The following RABGAP1L variants were observed in gnomAD, a reference collection of about 807,000 sequenced individuals.
The protein encoded by RABGAP1L is rab GTPase-activating protein 1-like.
A neutral mutation model predicts 137.7 loss-of-function variants in RABGAP1L; 63 were observed. The observed-to-expected ratio is 0.46, with a 90% CI of 0.37 to 0.56. The LOEUF (loss-of-function observed/expected upper bound fraction) is 0.56, where lower values mean the gene tolerates loss of function less well. Among genes scored for constraint, RABGAP1L ranks in the 20% least tolerant of loss-of-function variants. The probability of loss-of-function intolerance (pLI) is 0.00; values close to 1 mark genes in which losing one functional copy is unlikely to be tolerated. For synonymous variants in RABGAP1L, 431 were observed against 433.7 expected, an observed-to-expected ratio of 0.99 and a Z score of 0.08; for missense variants, 1,095 against 1,244.0, an observed-to-expected ratio of 0.88 and a Z score of 1.80.
chr1:174,274,501 A>T (rs1016303410), intron 8 of RABGAP1L, among the ~76,000 whole-genome samples: 1 of 152,142 alleles, frequency 6.6e-6, no homozygotes, highest in Non-Finnish European at 1.5e-5. Context: ...TGTAGCCCCT[A>T]TACCATCTAG....
intron 11 of RABGAP1L, among the ~76,000 whole-genome samples, chr1:174,363,686 T>C (rs547540121): frequency 3.0e-4 from 45 of 152,278 alleles, no homozygotes; most frequent in African/African-American, 9.9e-4. Flanking sequence ...TGTGGGTCTG[T>C]CATATTTGGC....
chr1:174,169,373 C>T (rs77379897), intron 1 of RABGAP1L, among the ~76,000 whole-genome samples: 34,921 of 151,820 alleles, frequency 0.23, 4,484 homozygotes, highest in Non-Finnish European at 0.27. Flanking sequence ...ACCACAGGCA[C>T]GTGCCATCAT....
chr1:174,904,640 CTTTT>C (rs963337748), intron 19 of RABGAP1L, among the ~76,000 whole-genome samples: 146 of 152,010 alleles, frequency 9.6e-4, no homozygotes, highest in African/African-American at 3.4e-3. Context: ...TTCTTTCTTT[CTTTT>C]TTTCTTTTCT....
chr1:174,419,890 G>T (rs575943526), intron 13 of RABGAP1L, among the ~76,000 whole-genome samples: 1 of 152,018 alleles, frequency 6.6e-6, no homozygotes, highest in East Asian at 1.9e-4. Context: ...TTTCATTTTT[G>T]ATTCCGGCTG....
Position 174,622,703 on chromosome 1 carries a change from G to A in RABGAP1L, c.1711-14672G>A, listed in dbSNP as rs555951250. ...GGAACATCACACTCCGGGGTCTGTT[G>A]TGGAGTGAGGGAAGGCAGGAGGGAT... On this transcript the variant is annotated intron_variant, in intron 13 of 25. Transcript: ENST00000681986. Among the ~76,000 whole-genome samples the A allele has an allele frequency of 1.3e-5, 2 of 152,298 alleles. 1 individual carries two copies. Among genetic ancestry groups the A allele is most frequent in the South Asian group, 4.1e-4 (2 of 4,824 alleles).
Position 174,166,170 on chromosome 1 carries a change from G to T in RABGAP1L, c.-34+6513G>T, listed in dbSNP as rs1174579980. Among the ~76,000 whole-genome samples the T allele has an allele frequency of 2.0e-5, 3 of 152,090 alleles. 1 individual carries two copies. Among genetic ancestry groups the T allele is most frequent in the Non-Finnish European group, 4.4e-5 (3 of 68,020 alleles). On this transcript the variant is annotated intron_variant, in intron 1 of 25. Transcript: ENST00000681986. Reference sequence around the variant, plus strand: ...ATTAGTGTTAGAGAAGCAACCTTGAGTTTACCAATCCTAAAAGTGTTGGAA... The same window carrying T: ...ATTAGTGTTAGAGAAGCAACCTTGATTTTACCAATCCTAAAAGTGTTGGAA...
chr1:174,838,800 C>A (rs979349647), intron 19 of RABGAP1L, among the ~76,000 whole-genome samples: 4 of 151,140 alleles, frequency 2.6e-5, no homozygotes, highest in Non-Finnish European at 4.4e-5. Context: ...GCCTGTAGTC[C>A]CAGCTACTCG....
intron 13 of RABGAP1L, among the ~76,000 whole-genome samples, chr1:174,570,839 C>G (rs557110504): frequency 6.6e-6 from 1 of 152,144 alleles, no homozygotes; most frequent in South Asian, 2.1e-4. Context: ...ATTAGTACAA[C>G]CACCATGGAG....
Position 174,994,750 on chromosome 1 carries a change from T to C in RABGAP1L, c.*4749T>C, listed in dbSNP as rs1672267642. The stretch of plus-strand genomic sequence containing the variant: ...TCTCTATTTTTGGTATTTTGCATAA[T>C]GCATGGATCCTTAGTTCAAATGAGG... On this transcript the variant is annotated 3_prime_UTR_variant, in exon 26 of 26. Transcript: ENST00000681986. 6.6e-6 allele frequency: 1 copy of C among 152,258 alleles called. No homozygotes were observed. Among genetic ancestry groups the C allele is most frequent in the Non-Finnish European group, 1.5e-5 (1 of 68,046 alleles). 9.4% of individuals were successfully genotyped at this position (152,258 alleles called of 1,614,324 possible). A position where few individuals can be genotyped will look rare whatever the true frequency, so the allele number is the denominator to read the frequency against.
At chr1:174,545,846 A>C (rs1234197551) in intron 13 of RABGAP1L, 2 of 152,176 alleles carry the variant, frequency 1.3e-5, no homozygotes, top group African/African-American at 4.8e-5. Context: ...GTACATTTTG[A>C]ATGCTTAATG....
At chr1:174,836,919 G>A (rs998481935) in intron 19 of RABGAP1L, among the ~76,000 whole-genome samples, 6 of 152,166 alleles carry the variant, frequency 3.9e-5, no homozygotes, top group Admixed American at 2.0e-4. Flanking sequence ...ATAAAAATAT[G>A]TTCCAGGCGG....
At chr1:174,499,065 A>G (rs1661008211) in intron 13 of RABGAP1L, among the ~76,000 whole-genome samples, 1 of 152,092 alleles carries the variant, frequency 6.6e-6, no homozygotes, top group African/African-American at 2.4e-5. Flanking sequence ...CAAAAGGCCA[A>G]AATATCACAA....
chr1:174,701,858 A>G (rs1679682370), intron 16 of RABGAP1L, among the ~76,000 whole-genome samples: 1 of 152,202 alleles, frequency 6.6e-6, no homozygotes. Context: ...GCAAGAATCA[A>G]GAACAGTCAA....
intron 4 of RABGAP1L, among the ~76,000 whole-genome samples, chr1:174,239,157 G>T (rs1358724211): frequency 1.3e-5 from 2 of 152,060 alleles, no homozygotes; most frequent in African/African-American, 2.4e-5. Context: ...ACTGGCCTGC[G>T]CCCACTGTCT....
intron 13 of RABGAP1L, among the ~76,000 whole-genome samples, chr1:174,612,013 T>C (rs1671299457): frequency 6.6e-6 from 1 of 152,242 alleles, no homozygotes; most frequent in African/African-American, 2.4e-5. Flanking sequence ...AGGGACAATT[T>C]GATTTCCTCT....
chr1:174,520,942 C>T (rs533664262), intron 13 of RABGAP1L, among the ~76,000 whole-genome samples: 4 of 152,140 alleles, frequency 2.6e-5, no homozygotes, highest in African/African-American at 7.2e-5. Context: ...CGCAGTTTGC[C>T]GTGAGCTGAG....
chr1:174,292,373 ATACT>A (rs1390539295), intron 10 of RABGAP1L, among the ~76,000 whole-genome samples: 1 of 86,286 alleles, frequency 1.2e-5, no homozygotes, highest in Non-Finnish European at 2.4e-5. Flanking sequence ...TTTTTTCCTA[ATACT>A]TTTGTATTTC....
chr1:174,464,371 C>T (rs1229246709), intron 13 of RABGAP1L, among the ~76,000 whole-genome samples: 1 of 152,158 alleles, frequency 6.6e-6, no homozygotes, highest in East Asian at 1.9e-4. Context: ...AAACTATCAT[C>T]CTTTTGCCAA....
intron 13 of RABGAP1L, among the ~76,000 whole-genome samples, chr1:174,494,933 G>A (rs975435619): frequency 1.3e-5 from 2 of 152,154 alleles, no homozygotes; most frequent in Non-Finnish European, 2.9e-5. Context: ...CCTGCCTACT[G>A]AGGGATGCTC....
Sources: gnomAD v4.1 joint callset for allele counts (sites outside exome capture counted in the v4.1 genomes callset) on GRCh38, gnomAD v4.1.1 for gene constraint, MANE v1.5 for transcripts, NCBI Gene and HGNC (gene_info 2026-07-23, HGNC 2026-07-21) for gene names.